RBFOX1: variants seen among roughly 807,000 people sequenced by gnomAD.
RBFOX1 encodes the protein RNA binding protein fox-1 homolog 1.
Under a neutral mutation model 57.7 loss-of-function variants are expected in RBFOX1, and 8 were observed. That is an observed-to-expected ratio of 0.14 (90% CI 0.08 to 0.25). The LOEUF is 0.25. Ranked by LOEUF, RBFOX1 falls within the 10% of genes least tolerant of loss-of-function variation. RBFOX1 has a pLI of 1.00. For synonymous variants in RBFOX1, 326 were observed against 222.4 expected (o/e 1.47, Z -4.15); for missense variants, 611 against 548.5 (o/e 1.11, Z -1.14).
At chr16:7,269,118 T>C (rs1004923533) in intron 4 of RBFOX1, among the ~76,000 whole-genome samples, 1 of 150,126 alleles carries the variant, frequency 6.7e-6, no homozygotes, top group Middle Eastern at 3.5e-3. Context: ...TAGTCCTTCG[T>C]CTTCCTCTGA....
chr16:6,820,545 G>A (rs2091093064), intron 3 of RBFOX1, among the ~76,000 whole-genome samples: 1 of 151,984 alleles, frequency 6.6e-6, no homozygotes, highest in Admixed American at 6.6e-5. Flanking sequence ...TATAGTCTCA[G>A]CTACTTGGGA....
chr16:5,635,788 T>C (rs1041844041), intron 3 of RBFOX1, among the ~76,000 whole-genome samples: 1 of 146,418 alleles, frequency 6.8e-6, no homozygotes, highest in Non-Finnish European at 1.5e-5. Flanking sequence ...TCAGATCCTG[T>C]TGATTTGTAG....
At chr16:6,467,444 G>A (rs979987835) in intron 2 of RBFOX1, among the ~76,000 whole-genome samples, 1 of 152,000 alleles carries the variant, frequency 6.6e-6, no homozygotes, top group African/African-American at 2.4e-5. Context: ...ATATATTTAT[G>A]TCCAGGCAAG....
chr16:6,294,034 C>G (rs2077782709), intron 1 of RBFOX1, among the ~76,000 whole-genome samples: 1 of 152,080 alleles, frequency 6.6e-6, no homozygotes, highest in African/African-American at 2.4e-5. Flanking sequence ...AGTCAAATTT[C>G]AACTAGGTGT....
intron 3 of RBFOX1, among the ~76,000 whole-genome samples, chr16:5,720,470 T>C (rs899769698): frequency 2.6e-5 from 4 of 152,222 alleles, no homozygotes; most frequent in Non-Finnish European, 2.9e-5. Flanking sequence ...ATTTTTTCTT[T>C]AGTAGTTTGT....
At chr16:6,788,145 C>T (rs1263595000) in intron 3 of RBFOX1, among the ~76,000 whole-genome samples, 4 of 152,148 alleles carry the variant, frequency 2.6e-5, no homozygotes, top group East Asian at 1.9e-4. Context: ...CCGCTTGAAC[C>T]TGGGAGGCGG....
At chr16:6,988,069 C>G in intron 3 of RBFOX1, among the ~76,000 whole-genome samples, 1 of 152,136 alleles carries the variant, frequency 6.6e-6, no homozygotes, top group South Asian at 2.1e-4. Context: ...CATTCCACAG[C>G]CAGTAAATGG....
Position 6,562,856 on chromosome 16 carries a change from CTTTCTTTCTTTCTTTCTTTCTTTCTTT to C in RBFOX1, c.-63-91743_-63-91717del, listed in dbSNP as rs1188896667. Among the ~76,000 whole-genome samples the C allele has an allele frequency of 4.6e-4, 23 of 50,316 alleles. 1 individual carries two copies. Among genetic ancestry groups the C allele is most frequent in the African/African-American group, 2.1e-3 (20 of 9,380 alleles). The allele number at this position is 50,316 out of a possible 152,430, so 33.0% of individuals were successfully genotyped here. A position where few individuals can be genotyped will look rare whatever the true frequency, so the allele number is the denominator to read the frequency against. The stretch of plus-strand genomic sequence containing the variant: ...CTTTTCTTTCTTTCTTTCTTTCTTT[CTTTCTTTCTTTCTTTCTTTCTTTCTTT>C]TTTTTTTTTTTTTTTGCATAGTTGT... On this transcript the variant is annotated intron_variant, in intron 2 of 15. Transcript: ENST00000550418.
chr16:6,250,151 C>T (rs74005044), intron 1 of RBFOX1, among the ~76,000 whole-genome samples: 88 of 152,310 alleles, frequency 5.8e-4, no homozygotes, highest in African/African-American at 2.1e-3. Flanking sequence ...TAACCACCTT[C>T]ATCTGCTGTT....
chr16:5,309,266 C>G (rs1166686085), intron 1 of RBFOX1, among the ~76,000 whole-genome samples: 5 of 152,112 alleles, frequency 3.3e-5, no homozygotes, highest in Non-Finnish European at 7.4e-5. Context: ...TTTTCTCAGT[C>G]TCTTTTTATT....
chr16:5,659,303 C>CTTTTT (rs779525957), intron 3 of RBFOX1, among the ~76,000 whole-genome samples: 2 of 128,998 alleles, frequency 1.6e-5, no homozygotes, highest in African/African-American at 2.9e-5. Context: ...ATTGGTATAT[C>CTTTTT]TTTTTTTTTT....
chr16:6,730,918 A>G (rs773127313), intron 3 of RBFOX1, among the ~76,000 whole-genome samples: 4 of 152,282 alleles, frequency 2.6e-5, no homozygotes, highest in Non-Finnish European at 4.4e-5. Flanking sequence ...GGAGATTTCT[A>G]TCTTTGACAG....
chr16:7,218,557 A>G (rs2092441200), intron 4 of RBFOX1, among the ~76,000 whole-genome samples: 1 of 151,914 alleles, frequency 6.6e-6, no homozygotes, highest in Non-Finnish European at 1.5e-5. Flanking sequence ...GCTGAGAAAG[A>G]GGTAAAAAGT....
At chr16:7,445,347 C>G (rs1275864074) in intron 4 of RBFOX1, among the ~76,000 whole-genome samples, 4 of 152,176 alleles carry the variant, frequency 2.6e-5, no homozygotes, top group African/African-American at 4.8e-5. Context: ...CTACTCCTCT[C>G]TTAATCTGGA....
intron 4 of RBFOX1, among the ~76,000 whole-genome samples, chr16:7,314,427 C>G (rs990118062): frequency 2.6e-5 from 4 of 152,160 alleles, no homozygotes; most frequent in Admixed American, 6.5e-5. Flanking sequence ...TGCTTTACAA[C>G]CTTCCTGAGC....
At chr16:5,596,965 T>A (rs890867388) in intron 2 of RBFOX1, among the ~76,000 whole-genome samples, 4 of 152,110 alleles carry the variant, frequency 2.6e-5, no homozygotes, top group African/African-American at 9.7e-5. Context: ...ACAAACACAT[T>A]TTTGATTTCT....
Position 6,282,746 on chromosome 16 carries a change from T to C in RBFOX1, c.-126-34249T>C, listed in dbSNP as rs113893114. 2.5e-3 allele frequency among the ~76,000 whole-genome samples: 375 copies of C among 152,300 alleles called. 3 individuals carry two copies. Among genetic ancestry groups the C allele is most frequent in the African/African-American group, 8.5e-3 (354 of 41,568 alleles). ...CCTTTTTATACTTTGCCCCTTCTTT[T>C]AAGAGGTCTTTAAACAATCTCTTAG... On this transcript the variant is annotated intron_variant, in intron 1 of 15. Coordinates refer to ENST00000550418, the MANE Select transcript of RBFOX1 (RefSeq NM_018723.4).
intron 3 of RBFOX1, among the ~76,000 whole-genome samples, chr16:7,010,658 G>T (rs1021586931): frequency 1.3e-5 from 2 of 152,042 alleles, no homozygotes; most frequent in Non-Finnish European, 2.9e-5. Context: ...CCGCCTCCTG[G>T]GTTCAAGAGA....
At chr16:5,785,246 T>C (rs2054461149) in intron 3 of RBFOX1, among the ~76,000 whole-genome samples, 1 of 152,210 alleles carries the variant, frequency 6.6e-6, no homozygotes, top group African/African-American at 2.4e-5. Flanking sequence ...GATTGCAGTA[T>C]GTTCAACCTC....
Sources: gnomAD v4.1 joint callset for allele counts (sites outside exome capture counted in the v4.1 genomes callset) on GRCh38, gnomAD v4.1.1 for gene constraint, MANE v1.5 for transcripts, NCBI Gene and HGNC (gene_info 2026-07-23, HGNC 2026-07-21) for gene names.